The following SIK3 variants were observed in gnomAD, a reference collection of about 807,000 sequenced individuals.
The protein encoded by SIK3 is SIK family kinase 3, also known as serine/threonine-protein kinase SIK3.
A neutral mutation model predicts 144.2 loss-of-function variants in SIK3; 28 were observed. The observed-to-expected ratio is 0.19, with a 90% CI of 0.14 to 0.27. The LOEUF (loss-of-function observed/expected upper bound fraction) is 0.27. SIK3 is among the 10% of genes least tolerant of loss of function. The pLI, the probability that SIK3 is intolerant of heterozygous loss-of-function variation, is 1.00. For missense variants in SIK3, 1,319 were observed against 1,776.0 expected, an observed-to-expected ratio of 0.74 and a Z score of 4.62; for synonymous variants, 686 against 676.3, an observed-to-expected ratio of 1.01 and a Z score of -0.22.
At chr11:117,073,912 T>C (rs1036262320) in intron 1 of SIK3, among the ~76,000 whole-genome samples, 4 of 152,254 alleles carry the variant, frequency 2.6e-5, no homozygotes, top group Admixed American at 6.5e-5. Flanking sequence ...TCTTGTTTTA[T>C]GGTCTTGACC....
intron 1 of SIK3, among the ~76,000 whole-genome samples, chr11:117,081,296 A>G (rs947399094): frequency 6.6e-6 from 1 of 152,176 alleles, no homozygotes; most frequent in African/African-American, 2.4e-5. Context: ...CATGTATTAG[A>G]GAGGCAAATA....
At chr11:116,983,356 C>T (rs889836656) in intron 1 of SIK3, among the ~76,000 whole-genome samples, 6 of 151,532 alleles carry the variant, frequency 4.0e-5, no homozygotes, top group African/African-American at 1.5e-4. Context: ...ACATGCCAAA[C>T]CCATCTCTAC....
chr11:117,053,064 C>G (rs534981490), intron 1 of SIK3, among the ~76,000 whole-genome samples: 6 of 152,094 alleles, frequency 3.9e-5, no homozygotes, highest in Admixed American at 1.3e-4. Context: ...GCAGGCCGGG[C>G]GCGGTGGCTC....
intron 1 of SIK3, among the ~76,000 whole-genome samples, chr11:117,066,824 C>T (rs1954045127): frequency 6.6e-6 from 1 of 152,150 alleles, no homozygotes; most frequent in African/African-American, 2.4e-5. Context: ...ATGCATGAGC[C>T]ACTGTGCCCG....
At chr11:116,897,130 G>A (rs1308594038) in intron 5 of SIK3, 63 bp downstream of exon 5, 39 of 1,546,414 alleles carry the variant, frequency 2.5e-5, no homozygotes, top group East Asian at 4.6e-5. Flanking sequence ...TTCAGGATGC[G>A]AATAGCTGTC....
At chr11:117,039,908 AC>A (rs1279122366) in intron 1 of SIK3, among the ~76,000 whole-genome samples, 1 of 152,180 alleles carries the variant, frequency 6.6e-6, no homozygotes, top group Non-Finnish European at 1.5e-5. Context: ...TGGACTCACC[AC>A]TATTTCTTCA....
chr11:117,031,522 A>ATTTTTAT (rs1009314707), intron 1 of SIK3, among the ~76,000 whole-genome samples: 2 of 79,008 alleles, frequency 2.5e-5, no homozygotes, highest in African/African-American at 9.2e-5. Flanking sequence ...TTTTATTTTT[A>ATTTTTAT]TTTTATTTAT....
At chr11:117,022,775 T>C (rs967847054) in intron 1 of SIK3, among the ~76,000 whole-genome samples, 5 of 151,162 alleles carry the variant, frequency 3.3e-5, no homozygotes, top group Admixed American at 2.6e-4. Context: ...TAGTCTCTCA[T>C]AGTCATCAAT....
chr11:117,078,727 A>T (rs1185946849), intron 1 of SIK3, among the ~76,000 whole-genome samples: 1 of 152,102 alleles, frequency 6.6e-6, no homozygotes, highest in Admixed American at 6.5e-5. Flanking sequence ...TTTTTAATTA[A>T]ATTAAATTAA....
chr11:117,034,734 T>G (rs934423127), intron 1 of SIK3, among the ~76,000 whole-genome samples: 1 of 152,184 alleles, frequency 6.6e-6, no homozygotes. Context: ...TTTCAAACTT[T>G]ACAGAGTTAC....
chr11:116,955,993 T>C (rs1949124051), intron 2 of SIK3, among the ~76,000 whole-genome samples: 1 of 152,178 alleles, frequency 6.6e-6, no homozygotes, highest in Admixed American at 6.5e-5. Flanking sequence ...TTACACATGG[T>C]CCTATGTCTG....
intron 21 of SIK3, 88 bp downstream of exon 21, chr11:116,857,722 C>A (rs759528287): frequency 1.3e-6 from 2 of 1,500,058 alleles, no homozygotes; most frequent in Non-Finnish European, 1.8e-6. Context: ...CTTAGGAACA[C>A]AGAATACTAG....
chr11:116,883,963 A>C (rs1944678264), intron 6 of SIK3, among the ~76,000 whole-genome samples: 1 of 152,104 alleles, frequency 6.6e-6, no homozygotes, highest in Admixed American at 6.5e-5. Flanking sequence ...TGTATATATA[A>C]ATAACATACA....
At chr11:117,067,858 G>C (rs1954087451) in intron 1 of SIK3, among the ~76,000 whole-genome samples, 2 of 151,988 alleles carry the variant, frequency 1.3e-5, no homozygotes, top group South Asian at 4.1e-4. Context: ...ATGGTGACAG[G>C]CACCTGTAGT....
At chr11:116,988,353 T>G (rs1245077471) in intron 1 of SIK3, among the ~76,000 whole-genome samples, 1 of 150,924 alleles carries the variant, frequency 6.6e-6, no homozygotes, top group Non-Finnish European at 1.5e-5. Context: ...GCCACTGCAC[T>G]CCAGCCCGGG....
intron 21 of SIK3, among the ~76,000 whole-genome samples, chr11:116,853,680 G>A (rs1412862385): frequency 6.6e-6 from 1 of 152,206 alleles, no homozygotes; most frequent in East Asian, 1.9e-4. Flanking sequence ...GCATTTTACT[G>A]CTCTATGAGG....
intron 6 of SIK3, among the ~76,000 whole-genome samples, chr11:116,885,031 C>T (rs531326181): frequency 6.6e-6 from 1 of 152,262 alleles, no homozygotes; most frequent in African/African-American, 2.4e-5. Flanking sequence ...AGTAAGATAT[C>T]AGAAAAGAAG....
At chr11:116,932,382 T>C (rs1450794731) in intron 3 of SIK3, among the ~76,000 whole-genome samples, 2 of 152,242 alleles carry the variant, frequency 1.3e-5, no homozygotes, top group Non-Finnish European at 2.9e-5. Context: ...TATATAATTA[T>C]AGAACGATAT....
At chr11:117,036,210 T>A (rs1332124370) in intron 1 of SIK3, among the ~76,000 whole-genome samples, 1 of 149,860 alleles carries the variant, frequency 6.7e-6, no homozygotes, top group Non-Finnish European at 1.5e-5. Flanking sequence ...TGTGAGCCAA[T>A]GTGCCCAGCC....
Sources: allele counts gnomAD v4.1 joint callset (sites outside exome capture counted in the v4.1 genomes callset), GRCh38; gene constraint gnomAD v4.1.1; transcripts MANE v1.5; gene names NCBI Gene and HGNC (gene_info 2026-07-23, HGNC 2026-07-21).